Variants in SYT1 observed in about 807,000 individuals in gnomAD.
The protein encoded by SYT1 is synaptotagmin 1.
SYT1 carries 8 observed loss-of-function variants against 44.8 expected under a neutral mutation model. The ratio of observed to expected loss-of-function variants is 0.18; its 90% confidence interval spans 0.10 to 0.32. The LOEUF (loss-of-function observed/expected upper bound fraction) is 0.32, where lower values mean the gene tolerates loss of function less well. Among genes scored for constraint, SYT1 ranks in the 10% least tolerant of loss-of-function variants. The probability of loss-of-function intolerance (pLI) is 1.00; values close to 1 mark genes in which losing one functional copy is unlikely to be tolerated. For missense variants in SYT1, 286 were observed against 509.3 expected, an observed-to-expected ratio of 0.56 and a Z score of 4.22; for synonymous variants, 154 against 188.8, an observed-to-expected ratio of 0.82 and a Z score of 1.51.
At chr12:78,975,840 A>C (rs1420866131) in intron 1 of SYT1, among the ~76,000 whole-genome samples, 1 of 152,226 alleles carries the variant, frequency 6.6e-6, no homozygotes, top group African/African-American at 2.4e-5. Flanking sequence ...ACACTTTCAG[A>C]GAGTTGAGGG....
intron 3 of SYT1, among the ~76,000 whole-genome samples, chr12:79,076,456 A>G (rs984805121): frequency 4.6e-5 from 7 of 152,312 alleles, no homozygotes; most frequent in African/African-American, 1.7e-4. Context: ...ACTATTTTAT[A>G]TGTTGTTACT....
chr12:79,446,813 T>C (rs1221147427), intron 10 of SYT1, among the ~76,000 whole-genome samples: 3 of 152,178 alleles, frequency 2.0e-5, no homozygotes, highest in African/African-American at 7.2e-5. Context: ...ATCAATTTTT[T>C]CCAACGATTT....
chr12:78,918,826 T>G (rs184495553), intron 1 of SYT1, among the ~76,000 whole-genome samples: 1 of 152,220 alleles, frequency 6.6e-6, no homozygotes. Context: ...TGCATTTATG[T>G]ATGATGATGG....
chr12:79,341,064 C>T (rs1452967728), intron 8 of SYT1: 1 of 152,120 alleles, frequency 6.6e-6, no homozygotes. Context: ...TTTAATCATC[C>T]TTTGTTTCTA....
At chr12:79,093,285 G>T (rs57508843) in intron 3 of SYT1, among the ~76,000 whole-genome samples, 1 of 151,704 alleles carries the variant, frequency 6.6e-6, no homozygotes, top group South Asian at 2.1e-4. Context: ...CGAAGCATTC[G>T]ATCAAAAATA....
intron 4 of SYT1, among the ~76,000 whole-genome samples, chr12:79,245,118 G>A (rs1458302476): frequency 6.6e-6 from 1 of 152,022 alleles, no homozygotes; most frequent in African/African-American, 2.4e-5. Flanking sequence ...TTTGGTCTTT[G>A]CTTGAAAACT....
intron 8 of SYT1, among the ~76,000 whole-genome samples, chr12:79,324,025 A>T (rs1881493061): frequency 7.0e-6 from 1 of 142,190 alleles, no homozygotes; most frequent in Admixed American, 7.6e-5. Flanking sequence ...ATCTCAGCTC[A>T]CTACCACCTC....
At chr12:79,331,924 T>C (rs1881875496) in intron 8 of SYT1, among the ~76,000 whole-genome samples, 1 of 152,174 alleles carries the variant, frequency 6.6e-6, no homozygotes, top group Non-Finnish European at 1.5e-5. Context: ...TTCTAGAAAC[T>C]TATTAATTTT....
chr12:79,258,625 GTC>G (rs753573032), intron 4 of SYT1, among the ~76,000 whole-genome samples: 6 of 152,156 alleles, frequency 3.9e-5, no homozygotes, highest in Non-Finnish European at 7.3e-5. Flanking sequence ...GGAATAAAAA[GTC>G]TAAAAAATTC....
intron 8 of SYT1, among the ~76,000 whole-genome samples, chr12:79,334,600 G>C (rs17005480): frequency 6.6e-6 from 1 of 152,100 alleles, no homozygotes; most frequent in African/African-American, 2.4e-5. Context: ...TGGTGCAATC[G>C]AGAACATGCA....
intron 3 of SYT1, among the ~76,000 whole-genome samples, chr12:79,095,920 G>A (rs986334986): frequency 4.0e-5 from 6 of 151,852 alleles, no homozygotes; most frequent in African/African-American, 1.5e-4. Flanking sequence ...GAGCATGAGA[G>A]TCACACAAAA....
intron 2 of SYT1, among the ~76,000 whole-genome samples, chr12:79,009,235 G>A (rs980714392): frequency 2.0e-5 from 3 of 152,038 alleles, no homozygotes; most frequent in Non-Finnish European, 2.9e-5. Context: ...ACTGTGTATC[G>A]TATTTTCCTA....
intron 8 of SYT1, among the ~76,000 whole-genome samples, chr12:79,329,719 C>T (rs563646329): frequency 2.6e-5 from 4 of 152,184 alleles, no homozygotes; most frequent in Non-Finnish European, 5.9e-5. Flanking sequence ...GCCAGAGTTT[C>T]CAAGCTGTGT....
chr12:79,322,073 A>G (rs1296648745), intron 8 of SYT1, among the ~76,000 whole-genome samples: 1 of 152,184 alleles, frequency 6.6e-6, no homozygotes, highest in Non-Finnish European at 1.5e-5. Context: ...CTCAGTATAC[A>G]GTCTGGTCAA....
At chr12:79,179,392 A>ATC (rs1565842057) in intron 3 of SYT1, among the ~76,000 whole-genome samples, 4 of 29,502 alleles carry the variant, frequency 1.4e-4, no homozygotes, top group African/African-American at 4.4e-4. Flanking sequence ...ATATCGATAT[A>ATC]GATATCCATA....
chr12:79,324,166 G>A (rs1592966945), intron 8 of SYT1, among the ~76,000 whole-genome samples: 1 of 151,840 alleles, frequency 6.6e-6, no homozygotes, highest in East Asian at 1.9e-4. Context: ...TGTTCAGGAT[G>A]GTCTCAAACT....
chr12:78,969,180 A>G (rs757069301), intron 1 of SYT1, among the ~76,000 whole-genome samples: 9 of 152,204 alleles, frequency 5.9e-5, no homozygotes, highest in Non-Finnish European at 1.3e-4. Context: ...TAATCTAGAG[A>G]TAAAGTATAC....
rs1488272906 is a variant in SYT1 at position 79,108,451 on chromosome 12, AC to A, written c.-18+61090del. ...AATAAGAAATTAAAAATTCAATATA[AC>A]AAAAACATTTTAAAAATAGAGAAAG... On this transcript the variant is annotated intron_variant, in intron 3 of 10. Transcript: ENST00000261205. Among the ~76,000 whole-genome samples, 3 of 152,028 alleles carry A rather than the reference AC, an allele frequency of 2.0e-5. No individual in the cohort carries two copies. The East Asian group carries it at 5.8e-4, about 29-fold the overall frequency.
chr12:79,376,648 T>C (rs996244048), intron 9 of SYT1, among the ~76,000 whole-genome samples: 7 of 152,230 alleles, frequency 4.6e-5, no homozygotes, highest in African/African-American at 1.7e-4. Context: ...ACCCAGCTCC[T>C]ATTTAAGATG....
Sources: allele counts gnomAD v4.1 joint callset (sites outside exome capture counted in the v4.1 genomes callset), GRCh38; gene constraint gnomAD v4.1.1; transcripts MANE v1.5; gene names NCBI Gene and HGNC (gene_info 2026-07-23, HGNC 2026-07-21).